The following ST3GAL3 variants were observed in gnomAD, a reference collection of about 807,000 sequenced individuals.
ST3GAL3 encodes the protein ST3 beta-galactoside alpha-2,3-sialyltransferase 3.
In ST3GAL3, 21 loss-of-function variants were observed where a neutral mutation model predicts 50.1. That is an observed-to-expected ratio of 0.42 (90% confidence interval 0.30 to 0.60). ST3GAL3 has a LOEUF of 0.60. ST3GAL3 is among the 20% of genes least tolerant of loss of function. The probability of loss-of-function intolerance (pLI) is 0.19; values close to 1 mark genes in which losing one functional copy is unlikely to be tolerated. For synonymous variants in ST3GAL3, 183 were observed against 190.0 expected (o/e 0.96, Z 0.30); for missense variants, 353 against 489.4 (o/e 0.72, Z 2.63).
At chr1:43,813,321 A>G (rs1243564309) in intron 3 of ST3GAL3, among the ~76,000 whole-genome samples, 1 of 152,258 alleles carries the variant, frequency 6.6e-6, no homozygotes, top group African/African-American at 2.4e-5. Context: ...ATGGTAAGAT[A>G]GGATTGTTGA....
chr1:43,800,440 G>A lies in ST3GAL3; in HGVS notation c.166+8291G>A, dbSNP rs1349190989. Among the ~76,000 whole-genome samples, 3 of 152,236 alleles carry A rather than the reference G, an allele frequency of 2.0e-5. No individual in the cohort carries two copies. The East Asian group carries it at 5.8e-4, about 29-fold the overall frequency. ...GACTCCCATGATTCATGTGTGGTAT[G>A]GCCAGGGCCTTCTGACATCACCCTG... On this transcript the variant is annotated intron_variant, in intron 3 of 11. Transcript: ENST00000347631.
At chr1:43,917,622 T>TCA (rs1491412020) in intron 9 of ST3GAL3, among the ~76,000 whole-genome samples, 13 of 72,996 alleles carry the variant, frequency 1.8e-4, no homozygotes, top group African/African-American at 7.3e-4. Flanking sequence ...ATATATTATA[T>TCA]TATATATAAT....
chr1:43,912,385 A>G (rs2081084769), intron 9 of ST3GAL3: 1 of 152,134 alleles, frequency 6.6e-6, no homozygotes, highest in Admixed American at 6.5e-5. Context: ...GAGTTAGAGT[A>G]GTTGGGGGTG....
chr1:43,908,782 C>T (rs1331157911), intron 9 of ST3GAL3, among the ~76,000 whole-genome samples: 2 of 152,130 alleles, frequency 1.3e-5, no homozygotes, highest in Non-Finnish European at 2.9e-5. Context: ...CAGGTGCCTG[C>T]CACCACGCCT....
chr1:43,886,517 A>T (rs956526950), intron 5 of ST3GAL3, among the ~76,000 whole-genome samples: 6 of 152,186 alleles, frequency 3.9e-5, no homozygotes, highest in African/African-American at 9.7e-5. Context: ...CCTATTAAAA[A>T]TTTTTTTAAA....
At chr1:43,751,019 T>A (rs1685857402) in intron 2 of ST3GAL3, among the ~76,000 whole-genome samples, 1 of 152,172 alleles carries the variant, frequency 6.6e-6, no homozygotes, top group Non-Finnish European at 1.5e-5. Context: ...TCTTAATATA[T>A]ATAAAGAGCT....
intron 2 of ST3GAL3, among the ~76,000 whole-genome samples, chr1:43,787,850 C>T (rs1395709529): frequency 1.3e-5 from 2 of 152,022 alleles, no homozygotes; most frequent in East Asian, 1.9e-4. Context: ...TAAAGAAGGG[C>T]GAGGAAAGCC....
At chr1:43,870,379 C>T (rs922001980) in intron 5 of ST3GAL3, among the ~76,000 whole-genome samples, 2 of 152,248 alleles carry the variant, frequency 1.3e-5, no homozygotes, top group African/African-American at 4.8e-5. Flanking sequence ...CTGCTTAGGC[C>T]GCCAGGCCGT....
At chr1:43,850,401 T>C in intron 5 of ST3GAL3, 1 of 570,074 alleles carries the variant, frequency 1.8e-6, no homozygotes, top group Non-Finnish European at 3.4e-6. Context: ...TAGTCTCTCC[T>C]TGAACTCTTT....
At chr1:43,894,525 T>C (rs2077099225) in intron 6 of ST3GAL3, 48 bp downstream of exon 6, 1 of 1,547,832 alleles carries the variant, frequency 6.5e-7, no homozygotes, top group Non-Finnish European at 8.9e-7. Context: ...CCCCCGACTG[T>C]CTCCCTGTCC....
At chr1:43,723,716 AT>A (rs1265881052) in intron 1 of ST3GAL3, among the ~76,000 whole-genome samples, 1 of 151,940 alleles carries the variant, frequency 6.6e-6, no homozygotes, top group Non-Finnish European at 1.5e-5. Context: ...GGTTCAAGTG[AT>A]TCTCCTGTCT....
Position 43,775,886 on chromosome 1 carries a change from A to G in ST3GAL3, c.119-16216A>G, listed in dbSNP as rs149923062. 2.1e-3 allele frequency among the ~76,000 whole-genome samples: 325 copies of G among 152,254 alleles called. 1 individual carries two copies. The highest frequency in any genetic ancestry group is 7.4e-3 in the African/African-American group (309 of 41,550). ...ATCTTCCTTCCTTAACCTAAGCAGT[A>G]AAGATCTCCCTATCTTGCAAGAGGC... On this transcript the variant is annotated intron_variant, in intron 2 of 11. Transcript: ENST00000347631.
intron 9 of ST3GAL3, chr1:43,916,790 G>C (rs2081886743): frequency 6.6e-6 from 1 of 152,080 alleles, no homozygotes. Flanking sequence ...GCCCAGGCTG[G>C]TATTGAATTC....
chr1:43,906,183 TCC>T (rs2079591928), intron 9 of ST3GAL3, among the ~76,000 whole-genome samples: 1 of 114,252 alleles, frequency 8.8e-6, no homozygotes, highest in Non-Finnish European at 1.8e-5. Context: ...CTGCCACTCT[TCC>T]TCCCCCTCCT....
Position 43,769,864 on chromosome 1 carries a change from C to T in ST3GAL3, c.119-22238C>T, listed in dbSNP as rs186600281. Among the ~76,000 whole-genome samples, 5 of 152,084 alleles carry T rather than the reference C, an allele frequency of 3.3e-5. 1 individual carries two copies. In the South Asian group the frequency reaches 8.3e-4, roughly 25 times the overall value. On this transcript the variant is annotated intron_variant, in intron 2 of 11. Transcript: ENST00000347631. ...TACTAGTTCTGTTTTTATTTTTTCTCTCATTTTTATTCATATAACAGGTCT... is the reference window on the plus strand; with the variant it reads ...TACTAGTTCTGTTTTTATTTTTTCTTTCATTTTTATTCATATAACAGGTCT...
intron 5 of ST3GAL3, among the ~76,000 whole-genome samples, chr1:43,848,965 G>A (rs949261549): frequency 1.3e-5 from 2 of 152,012 alleles, no homozygotes; most frequent in Non-Finnish European, 2.9e-5. Context: ...CAAATACTGT[G>A]TTTTTAATCT....
At chr1:43,815,324 G>A (rs1299403794) in intron 4 of ST3GAL3, among the ~76,000 whole-genome samples, 1 of 152,062 alleles carries the variant, frequency 6.6e-6, no homozygotes, top group Non-Finnish European at 1.5e-5. Flanking sequence ...ATCACTCCCT[G>A]TCTTACTCTC....
At chr1:43,888,555 A>T (rs1398415704) in intron 5 of ST3GAL3, among the ~76,000 whole-genome samples, 1 of 152,176 alleles carries the variant, frequency 6.6e-6, no homozygotes, top group Non-Finnish European at 1.5e-5. Flanking sequence ...TATTAAATAT[A>T]TAAAGAACTT....
rs780915088 is a variant in ST3GAL3 at position 43,899,149 on chromosome 1, T to C, written c.462-19T>C. 6.2e-6 allele frequency: 10 copies of C among 1,613,920 alleles called. No homozygotes were observed. In the African/African-American group the frequency reaches 1.2e-4, roughly 19 times the overall value. ...GTGGGCAGCTCTCTGTACAGAGGTC[T>C]CCGCCTCTCTCCCCTCAGCCTCCGC... On this transcript the variant is annotated intron_variant, in intron 7 of 11. Transcript: ENST00000347631. The surrounding 1 kb of genome is among the most constrained non-coding windows in gnomAD (Gnocchi z 5.4).
Sources: gnomAD v4.1 joint callset for allele counts (sites outside exome capture counted in the v4.1 genomes callset) on GRCh38, gnomAD v4.1.1 for gene constraint, Gnocchi (gnomAD v3.1) non-coding constraint, MANE v1.5 for transcripts, NCBI Gene and HGNC (gene_info 2026-07-23, HGNC 2026-07-21) for gene names.